Variants in AUTS2 observed in about 807,000 individuals in gnomAD.
AUTS2 encodes the protein activator of transcription and developmental regulator AUTS2.
A neutral mutation model predicts 112.4 loss-of-function variants in AUTS2; 17 were observed. That is an observed-to-expected ratio of 0.15 (90% confidence interval 0.10 to 0.23). The LOEUF is 0.23. Among genes scored for constraint, AUTS2 ranks in the 10% least tolerant of loss-of-function variants. AUTS2 has a pLI of 1.00. For synonymous variants in AUTS2, 751 were observed against 702.7 expected (o/e 1.07, Z -1.09); for missense variants, 1,510 against 1,701.6 (o/e 0.89, Z 1.98).
intron 5 of AUTS2, among the ~76,000 whole-genome samples, chr7:70,475,666 C>T (rs1797554016): frequency 3.3e-5 from 5 of 152,194 alleles, no homozygotes; most frequent in Admixed American, 3.3e-4. Context: ...CTTCAAGGGA[C>T]ACAGGCAGTA....
At chr7:70,336,321 A>G (rs1224531598) in intron 4 of AUTS2, among the ~76,000 whole-genome samples, 1 of 152,188 alleles carries the variant, frequency 6.6e-6, no homozygotes, top group East Asian at 1.9e-4. Context: ...CCCACAGGAC[A>G]ACCATTGCTA....
chr7:70,209,717 A>G (rs1584879608), intron 4 of AUTS2, among the ~76,000 whole-genome samples: 1 of 152,318 alleles, frequency 6.6e-6, no homozygotes, highest in East Asian at 1.9e-4. Context: ...GTGAAGTTGA[A>G]TATGATCAGG....
At chr7:69,637,757 C>A (rs1294274406) in intron 1 of AUTS2, among the ~76,000 whole-genome samples, 1 of 152,088 alleles carries the variant, frequency 6.6e-6, no homozygotes, top group African/African-American at 2.4e-5. Context: ...GCAGTGAAAC[C>A]CAAGACTGGA....
At chr7:69,617,134 G>A (rs1793422925) in intron 1 of AUTS2, among the ~76,000 whole-genome samples, 1 of 152,222 alleles carries the variant, frequency 6.6e-6, no homozygotes, top group Non-Finnish European at 1.5e-5. Context: ...TGAGAACTTA[G>A]CACAGCAGGT....
intron 2 of AUTS2, among the ~76,000 whole-genome samples, chr7:69,967,115 T>C (rs1797663091): frequency 6.6e-6 from 1 of 152,188 alleles, no homozygotes; most frequent in African/African-American, 2.4e-5. Context: ...TAATTTTCTG[T>C]AGGCGTGGAG....
intron 6 of AUTS2, chr7:70,729,359 T>C (rs190898430): frequency 7.0e-4 from 183 of 261,742 alleles, no homozygotes; most frequent in African/African-American, 3.7e-3. Flanking sequence ...CCAGATGCCC[T>C]GTTACTTCCC....
intron 4 of AUTS2, among the ~76,000 whole-genome samples, chr7:70,402,949 T>A (rs894702007): frequency 3.3e-5 from 5 of 152,158 alleles, no homozygotes; most frequent in African/African-American, 1.2e-4. Flanking sequence ...GCATCCCTAG[T>A]TTGGATTTTA....
chr7:70,335,907 A>G (rs1454080645), intron 4 of AUTS2, among the ~76,000 whole-genome samples: 7 of 152,218 alleles, frequency 4.6e-5, no homozygotes, highest in African/African-American at 1.7e-4. Flanking sequence ...AAACGCTTCC[A>G]CAGTTAAATT....
At chr7:69,980,158 G>T (rs1211219022) in intron 2 of AUTS2, among the ~76,000 whole-genome samples, 1 of 152,080 alleles carries the variant, frequency 6.6e-6, no homozygotes, top group Non-Finnish European at 1.5e-5. Context: ...GCCCAGGCTG[G>T]AATGCAGTGA....
At chr7:70,367,389 T>C (rs948079023) in intron 4 of AUTS2, among the ~76,000 whole-genome samples, 1 of 151,960 alleles carries the variant, frequency 6.6e-6, no homozygotes, top group Non-Finnish European at 1.5e-5. Flanking sequence ...ACCCCATCTC[T>C]ACTAAAAATA....
chr7:70,757,911 A>G (rs1451762337), intron 6 of AUTS2, among the ~76,000 whole-genome samples: 3 of 136,644 alleles, frequency 2.2e-5, no homozygotes, highest in Middle Eastern at 4.2e-3. Context: ...CCGCCCAAGT[A>G]GCTGGGATCA....
At chr7:70,738,550 T>C (rs1534344) in intron 6 of AUTS2, among the ~76,000 whole-genome samples, 121,358 of 151,850 alleles carry the variant, frequency 0.8, 49,026 homozygotes, top group East Asian at 0.99. Context: ...AGGTACGTGG[T>C]GGGCATGAAG....
At chr7:70,508,444 T>C (rs908249394) in intron 5 of AUTS2, among the ~76,000 whole-genome samples, 1 of 152,196 alleles carries the variant, frequency 6.6e-6, no homozygotes, top group Non-Finnish European at 1.5e-5. Flanking sequence ...TTTTGCAGAT[T>C]AGTACCAGTC....
intron 2 of AUTS2, among the ~76,000 whole-genome samples, chr7:70,081,485 C>T (rs1010448501): frequency 6.6e-6 from 1 of 151,520 alleles, no homozygotes; most frequent in African/African-American, 2.4e-5. Flanking sequence ...CGCTTGAACC[C>T]GGGAGATGGA....
intron 1 of AUTS2, among the ~76,000 whole-genome samples, chr7:69,880,201 C>T (rs925855369): frequency 2.0e-5 from 3 of 152,080 alleles, no homozygotes; most frequent in Non-Finnish European, 2.9e-5. Context: ...CACTTTTAAA[C>T]AACTAGATCT....
At chr7:69,921,925 A>G (rs1325356728) in intron 2 of AUTS2, among the ~76,000 whole-genome samples, 1 of 151,518 alleles carries the variant, frequency 6.6e-6, no homozygotes, top group African/African-American at 2.4e-5. Flanking sequence ...ATTAGTGGGC[A>G]TGGTGGCACA....
chr7:70,496,627 GCACA>G (rs1335984364), intron 5 of AUTS2, among the ~76,000 whole-genome samples: 1 of 16,248 alleles, frequency 6.2e-5, no homozygotes, highest in Non-Finnish European at 1.2e-4. Flanking sequence ...ACGTACACAG[GCACA>G]CACACACACC....
intron 1 of AUTS2, among the ~76,000 whole-genome samples, chr7:69,833,732 G>A (rs1791600509): frequency 2.6e-5 from 4 of 152,260 alleles, no homozygotes; most frequent in South Asian, 4.1e-4. Flanking sequence ...ACTGCGCCCG[G>A]CAATTATCCT....
At chr7:70,331,771 C>G (rs550226988) in intron 4 of AUTS2, among the ~76,000 whole-genome samples, 8 of 152,246 alleles carry the variant, frequency 5.3e-5, no homozygotes, top group Middle Eastern at 3.4e-3. Flanking sequence ...ATTCGACACC[C>G]CTTCATGCTG....
Sources: gnomAD v4.1 joint callset for allele counts (sites outside exome capture counted in the v4.1 genomes callset) on GRCh38, gnomAD v4.1.1 for gene constraint, MANE v1.5 for transcripts, NCBI Gene and HGNC (gene_info 2026-07-23, HGNC 2026-07-21) for gene names.